PRKAG2: variants seen among roughly 807,000 people sequenced by gnomAD.
PRKAG2 encodes protein kinase AMP-activated non-catalytic subunit gamma 2, also known as 5'-AMP-activated protein kinase subunit gamma-2.
Under a neutral mutation model 69.6 loss-of-function variants are expected in PRKAG2, and 26 were observed. That is an observed-to-expected ratio of 0.37 (90% CI 0.27 to 0.52). The LOEUF (loss-of-function observed/expected upper bound fraction) is 0.52, where lower values mean the gene tolerates loss of function less well. Ranked by LOEUF, PRKAG2 falls within the 20% of genes least tolerant of loss-of-function variation. The pLI is 0.90. For missense variants in PRKAG2, 557 were observed against 740.0 expected (o/e 0.75, Z 2.87); for synonymous variants, 293 against 285.0 (o/e 1.03, Z -0.28).
intron 2 of PRKAG2, among the ~76,000 whole-genome samples, chr7:151,784,851 G>T (rs2076920443): frequency 6.6e-6 from 1 of 152,196 alleles, no homozygotes; most frequent in Non-Finnish European, 1.5e-5. Flanking sequence ...CTGGAAAATG[G>T]CCGAAGCATG....
At position 151,675,458 on chromosome 7, in the gene PRKAG2, G is replaced by T. The variant is rs982547906; in HGVS notation, c.646C>A (p.Pro216Thr). Residue 216 changes from proline (P) to threonine (T), a missense_variant, in exon 4 of 16, where the codon CCA becomes ACA. By Grantham distance (38) the Pro-to-Thr change is conservative. Coordinates refer to ENST00000287878, the MANE Select transcript of PRKAG2 (RefSeq NM_016203.4). ...PSSFQSPTRP[P>T]LASPTHYAPS... ...GCATAGTGTGTCGGTGATGCCAGTG[G>T]AGGCCTGGTCGGGCTCTGGAAGGAA... 1 of 1,614,200 alleles carries T rather than the reference G, an allele frequency of 6.2e-7. No homozygotes were observed. The highest frequency in any genetic ancestry group is 8.5e-7 in the Non-Finnish European group (1 of 1,180,040).
At chr7:151,665,655 C>T (rs1258445055) in intron 4 of PRKAG2, among the ~76,000 whole-genome samples, 1 of 152,112 alleles carries the variant, frequency 6.6e-6, no homozygotes, top group Non-Finnish European at 1.5e-5. Context: ...GAAATTTTTC[C>T]AAACTATTTT....
intron 3 of PRKAG2, among the ~76,000 whole-genome samples, chr7:151,752,447 T>C (rs1164465475): frequency 6.6e-6 from 1 of 152,090 alleles, no homozygotes; most frequent in Non-Finnish European, 1.5e-5. Flanking sequence ...AAGATAACTA[T>C]TGGGTACTGA....
intron 5 of PRKAG2, among the ~76,000 whole-genome samples, chr7:151,605,636 C>G (rs201349572): frequency 6.7e-6 from 1 of 149,230 alleles, no homozygotes; most frequent in East Asian, 2.0e-4. Flanking sequence ...ACTTGGCAGG[C>G]TGAGGCACAA....
At chr7:151,728,491 T>A (rs937949203) in intron 3 of PRKAG2, among the ~76,000 whole-genome samples, 8 of 152,152 alleles carry the variant, frequency 5.3e-5, no homozygotes, top group Non-Finnish European at 7.3e-5. Context: ...CCAGCCAGGC[T>A]GCGGCCCCAA....
chr7:151,796,711 CCTT>C (rs141984456), intron 1 of PRKAG2, among the ~76,000 whole-genome samples: 1,692 of 152,240 alleles, frequency 0.011, 20 homozygotes, highest in African/African-American at 0.039. Context: ...GAGCCTCTGT[CCTT>C]CCCCTTCGCA....
Position 151,777,566 on chromosome 7 carries a change from C to T in PRKAG2, c.466+3586G>A, listed in dbSNP as rs928634154. Among the ~76,000 whole-genome samples the T allele has an allele frequency of 7.2e-5, 11 of 152,140 alleles. No homozygotes were observed. Among genetic ancestry groups the T allele is most frequent in the African/African-American group, 2.7e-4 (11 of 41,430 alleles). ...TGCGTGTGAGCTCTGCATACCCCGG[C>T]TTTCCTTCGCCTTCCTCCATGAGTG... On this transcript the variant is annotated intron_variant, in intron 3 of 15. Transcript: ENST00000287878. This position sits in a 1 kb window ranked among gnomAD's most constrained non-coding sequence, Gnocchi z 4.3.
In PRKAG2 at chr7:151,828,586, T is replaced by G. The variant is rs568115642; in HGVS notation, c.115-42045A>C. Among the ~76,000 whole-genome samples the G allele has an allele frequency of 1.3e-4, 20 of 152,296 alleles. No homozygotes were observed. The highest frequency in any genetic ancestry group is 4.6e-4 in the African/African-American group (19 of 41,566). ...CTTTGTCTCATCTCTTCTTCCCTCCTTTTAAGGGCCTTTCACTCACCACGA... is the reference window on the plus strand; with the variant it reads ...CTTTGTCTCATCTCTTCTTCCCTCCGTTTAAGGGCCTTTCACTCACCACGA... On this transcript the variant is annotated intron_variant, in intron 1 of 15. Transcript: ENST00000287878. This position sits in a 1 kb window ranked among gnomAD's most constrained non-coding sequence, Gnocchi z 4.6.
At chr7:151,623,715 G>T (rs931811944) in intron 5 of PRKAG2, among the ~76,000 whole-genome samples, 24 of 152,142 alleles carry the variant, frequency 1.6e-4, no homozygotes, top group Non-Finnish European at 2.9e-5. Context: ...AGTTCTCACA[G>T]TTATTAAGTA....
chr7:151,635,606 A>G (rs1825596958), intron 4 of PRKAG2, among the ~76,000 whole-genome samples: 2 of 152,174 alleles, frequency 1.3e-5, no homozygotes, highest in African/African-American at 2.4e-5. Flanking sequence ...CATATACTGT[A>G]TGATTCCATT....
At chr7:151,589,864 G>A (rs1036109220) in intron 6 of PRKAG2, among the ~76,000 whole-genome samples, 2 of 152,212 alleles carry the variant, frequency 1.3e-5, no homozygotes, top group African/African-American at 4.8e-5. Context: ...GAACCTGGGA[G>A]GCAGAGGTTG....
rs566411205 is a variant in PRKAG2 at position 151,766,779 on chromosome 7, G to A, written c.466+14373C>T. Among the ~76,000 whole-genome samples, 7 of 152,300 alleles carry A rather than the reference G, an allele frequency of 4.6e-5. 1 individual carries two copies. The highest frequency in any genetic ancestry group is 2.1e-4 in the South Asian group (1 of 4,820). On this transcript the variant is annotated intron_variant, in intron 3 of 15. Transcript: ENST00000287878. ...TCACAACACCTCTCCGAGCCAGTCC[G>A]GCCTACCACTAACTCATCTTTCTCC... is the stretch of plus-strand genomic sequence containing the variant.
Position 151,576,604 on chromosome 7 carries a change from G to A in PRKAG2, c.865-152C>T, listed in dbSNP as rs1166788497. 15 of 671,800 alleles carry A rather than the reference G, an allele frequency of 2.2e-5. No homozygotes were observed. The East Asian group carries it at 2.8e-4, about 13-fold the overall frequency. 41.6% of individuals were successfully genotyped at this position (671,800 alleles called of 1,614,324 possible). A position where few individuals can be genotyped will look rare whatever the true frequency, so the allele number is the denominator to read the frequency against. ...CAACCTCTGCTTCCTGGGCTCAATT[G>A]ATTCTCTCACCTCAGCCTCCCGAGT... is the stretch of plus-strand genomic sequence containing the variant. On this transcript the variant is annotated intron_variant, in intron 6 of 15. Coordinates refer to ENST00000287878, the MANE Select transcript of PRKAG2 (RefSeq NM_016203.4).
intron 1 of PRKAG2, among the ~76,000 whole-genome samples, chr7:151,842,359 T>TGGGG (rs2079322075): frequency 1.6e-5 from 2 of 128,740 alleles, no homozygotes; most frequent in African/African-American, 6.1e-5. Context: ...CAATGGTAGG[T>TGGGG]AGGGATGGTA....
At chr7:151,574,649 T>G (rs1427490875) in intron 8 of PRKAG2, among the ~76,000 whole-genome samples, 2 of 152,218 alleles carry the variant, frequency 1.3e-5, no homozygotes, top group African/African-American at 2.4e-5. Flanking sequence ...ATAAAGAATC[T>G]ATTTCCTTTT....
Position 151,567,292 on chromosome 7 carries a change from C to T in PRKAG2, c.1234-1407G>A, listed in dbSNP as rs146060716. On this transcript the variant is annotated intron_variant, in intron 11 of 15. Transcript: ENST00000287878. The surrounding 1 kb of genome is among the most constrained non-coding windows in gnomAD (Gnocchi z 4.2). ...TCCTGGCTCTACCGCTTCCCAGCCACGCAACCTTGGCAAAGCTACTTAACC... is the reference window on the plus strand; with the variant it reads ...TCCTGGCTCTACCGCTTCCCAGCCATGCAACCTTGGCAAAGCTACTTAACC... Among the ~76,000 whole-genome samples, 30 of 152,296 alleles carry T rather than the reference C, an allele frequency of 2.0e-4. 1 individual carries two copies. The highest frequency in any genetic ancestry group is 9.6e-4 in the East Asian group (5 of 5,190).
chr7:151,758,628 T>C (rs942837657), intron 3 of PRKAG2, among the ~76,000 whole-genome samples: 3 of 152,146 alleles, frequency 2.0e-5, no homozygotes, highest in South Asian at 2.1e-4. Flanking sequence ...ACCATCAGTG[T>C]ACCCCAAAGG....
intron 3 of PRKAG2, among the ~76,000 whole-genome samples, chr7:151,683,461 C>T (rs558534951): frequency 6.6e-6 from 1 of 152,288 alleles, no homozygotes; most frequent in Non-Finnish European, 1.5e-5. Flanking sequence ...CAATCCGGCC[C>T]CTCCACTGCG....
chr7:151,615,887 C>T (rs1202034128), intron 5 of PRKAG2, among the ~76,000 whole-genome samples: 1 of 152,218 alleles, frequency 6.6e-6, no homozygotes, highest in Admixed American at 6.5e-5. Context: ...GCTGCACCTT[C>T]AACACCACTG....
Sources: allele counts gnomAD v4.1 joint callset (sites outside exome capture counted in the v4.1 genomes callset), GRCh38; gene constraint gnomAD v4.1.1; non-coding constraint Gnocchi (gnomAD v3.1); transcripts MANE v1.5; gene names NCBI Gene and HGNC (gene_info 2026-07-23, HGNC 2026-07-21).